CD72: variants seen among roughly 807,000 people sequenced by gnomAD.
CD72 encodes CD72 molecule.
A neutral mutation model predicts 50.7 loss-of-function variants in CD72; 28 were observed. The ratio of observed to expected loss-of-function variants is 0.55; its 90% CI spans 0.41 to 0.76. CD72 has a LOEUF of 0.76. Ranked by LOEUF, CD72 falls within the 30% of genes least tolerant of loss-of-function variation. The probability of loss-of-function intolerance (pLI) is 0.00; values close to 1 mark genes in which losing one functional copy is unlikely to be tolerated. For synonymous variants in CD72, 176 were observed against 171.2 expected (o/e 1.03, Z -0.22); for missense variants, 403 against 420.6 (o/e 0.96, Z 0.37).
chr9:35,638,208 ATCC>A (rs1823309428), intron 1 of CD72, among the ~76,000 whole-genome samples: 1 of 151,410 alleles, frequency 6.6e-6, no homozygotes, highest in Non-Finnish European at 1.5e-5. Flanking sequence ...CTTGTCCCAA[ATCC>A]TCCTTCTTTC....
In CD72 at chr9:35,611,932, T is replaced by G; in HGVS notation, c.835-13A>C. On this transcript the variant is annotated splice_polypyrimidine_tract_variant and intron_variant, in intron 6 of 8. Transcript: ENST00000259633. ...AGTAGTAAGAGTGCTGAGGGGAGAT[T>G]CAGAGAGACCAGAGATACATGGAGA... 7.7e-7 allele frequency: 1 copy of G among 1,297,140 alleles called. No homozygotes were observed. Among genetic ancestry groups the G allele is most frequent in the Non-Finnish European group, 1.1e-6 (1 of 890,850 alleles). The allele number at this position is 1,297,140 out of a possible 1,614,324, so 80.4% of individuals were successfully genotyped here. A position where few individuals can be genotyped will look rare whatever the true frequency, so the allele number is the denominator to read the frequency against.
intron 7 of CD72, 135 bp from the exon 8 acceptor site, chr9:35,610,888 C>A: frequency 1.6e-6 from 1 of 612,792 alleles, no homozygotes; most frequent in South Asian, 2.1e-5. Flanking sequence ...TGGTTCAGGA[C>A]AGATGTCTGG....
At chr9:35,618,598 T>G, upstream of CD72, 1 of 635,288 alleles carries the variant, frequency 1.6e-6, no homozygotes, top group Non-Finnish European at 2.6e-6. Context: ...CTCCCTGTGC[T>G]TCCTCTCCAT....
chr9:35,633,456 A>G (rs1001169342), intron 1 of CD72, among the ~76,000 whole-genome samples: 3 of 152,048 alleles, frequency 2.0e-5, no homozygotes, highest in African/African-American at 7.2e-5. Context: ...TTCTCATGTT[A>G]CGCTGTTTTC....
chr9:35,634,141 CTTCTT>C, intron 1 of CD72, among the ~76,000 whole-genome samples: 1 of 151,838 alleles, frequency 6.6e-6, no homozygotes, highest in Non-Finnish European at 1.5e-5. Flanking sequence ...GTTGTTAACT[CTTCTT>C]TTTTTTAATC....
chr9:35,616,052 C>T lies in CD72; in HGVS notation c.579G>A (p.Gln193=), dbSNP rs1369830579. ...GQLQACQADR[Q]KTKETLQSEE... ...CACTTTGCAAGGTCTCCTTCGTCTT[C>T]TGTCTGTCTGCCTGGCAGGCCTGTA... Residue 193 remains glutamine, a synonymous_variant, in exon 5 of 9, where the codon CAG becomes CAA. Coordinates refer to ENST00000259633, the MANE Select transcript of CD72 (RefSeq NM_001782.3). 6.2e-7 allele frequency: 1 copy of T among 1,614,200 alleles called. No homozygotes were observed. The highest frequency in any genetic ancestry group is 8.5e-7 in the Non-Finnish European group (1 of 1,180,034).
At chr9:35,643,754 G>A (rs774071625) in intron 1 of CD72, among the ~76,000 whole-genome samples, 4 of 152,172 alleles carry the variant, frequency 2.6e-5, no homozygotes, top group Admixed American at 6.5e-5. Flanking sequence ...GAGGCAGGCA[G>A]ATCACCTGAG....
At chr9:35,615,547 G>C (rs1178848638) in intron 5 of CD72, among the ~76,000 whole-genome samples, 2 of 152,050 alleles carry the variant, frequency 1.3e-5, no homozygotes, top group African/African-American at 4.8e-5. Flanking sequence ...CCTTTGGGGA[G>C]ATCTCAGCTA....
upstream of CD72, among the ~76,000 whole-genome samples, chr9:35,623,688 A>G (rs1823165473): frequency 6.6e-6 from 1 of 151,982 alleles, no homozygotes. Flanking sequence ...AGGCCGAGGC[A>G]GGCGGATCAC....
chr9:35,634,081 T>C (rs1053265140), intron 1 of CD72, among the ~76,000 whole-genome samples: 2 of 152,222 alleles, frequency 1.3e-5, no homozygotes, highest in African/African-American at 2.4e-5. Context: ...ATGAGTGATG[T>C]ATTTGATTTT....
upstream of CD72, chr9:35,618,863 G>T: frequency 1.1e-6 from 1 of 869,810 alleles, no homozygotes; most frequent in Middle Eastern, 2.6e-4. Flanking sequence ...TTCAGGAACA[G>T]GCCTGGGCCA....
In CD72 at chr9:35,618,183, T is replaced by TG. The variant is rs753948656; in HGVS notation, c.82+38dup. On this transcript the variant is annotated intron_variant, in intron 1 of 8. Coordinates refer to ENST00000259633, the MANE Select transcript of CD72 (RefSeq NM_001782.3). ...GGAATGGGATCTGTGGGGCGGGAAG[T>TG]GGGGATGCAGGATCAAGGGGAGGCC... The TG allele has an allele frequency of 5.6e-6, 9 of 1,606,374 alleles. No homozygotes were observed. The South Asian group carries it at 9.9e-5, about 18-fold the overall frequency.
At chr9:35,613,111 A>G (rs909109756) in intron 5 of CD72, 118 bp from the exon 6 acceptor site, 12 of 794,236 alleles carry the variant, frequency 1.5e-5, no homozygotes, top group Non-Finnish European at 2.0e-5. Flanking sequence ...GACTTCTATG[A>G]TCTTTGCAAT....
upstream of CD72, among the ~76,000 whole-genome samples, chr9:35,620,751 A>T (rs1823140140): frequency 6.6e-6 from 1 of 152,088 alleles, no homozygotes; most frequent in Admixed American, 6.6e-5. Flanking sequence ...TGAACCCGGG[A>T]GGCAGAGGTT....
intron 3 of CD72, 200 bp downstream of exon 3, chr9:35,616,976 G>A: frequency 6.9e-7 from 1 of 1,443,420 alleles, no homozygotes; most frequent in East Asian, 2.5e-5. Flanking sequence ...AGGTGAATTG[G>A]GACCATCCGC....
chr9:35,618,849 G>A (rs1205992447), upstream of CD72: 1 of 1,052,310 alleles, frequency 9.5e-7, no homozygotes, highest in African/African-American at 1.6e-5. Flanking sequence ...CCAGTAACTG[G>A]GGGTTCAGGA....
chr9:35,616,046 C>G lies in CD72; in HGVS notation c.585G>C (p.Thr195=), dbSNP rs560994961. ...GCTCCTCACTTTGCAAGGTCTCCTT[C>G]GTCTTCTGTCTGTCTGCCTGGCAGG... ...LQACQADRQK[T]KETLQSEEQQ... The change falls in exon 5 of 9, where the codon ACG becomes ACC. Residue 195 remains threonine, a synonymous_variant. Coordinates refer to ENST00000259633, the MANE Select transcript of CD72 (RefSeq NM_001782.3). The G allele has an allele frequency of 1.9e-6, 3 of 1,614,042 alleles. No individual in the cohort carries two copies. Among genetic ancestry groups the G allele is most frequent in the Admixed American group, 1.7e-5 (1 of 60,006 alleles).
chr9:35,637,882 T>C (rs183780622), intron 1 of CD72, among the ~76,000 whole-genome samples: 8 of 152,248 alleles, frequency 5.3e-5, no homozygotes, highest in Admixed American at 2.6e-4. Context: ...TACCTTTCTC[T>C]TTAAACTTAC....
chr9:35,629,876 A>AT (rs1823227687), intron 1 of CD72, among the ~76,000 whole-genome samples: 2 of 152,228 alleles, frequency 1.3e-5, no homozygotes, highest in Non-Finnish European at 2.9e-5. Flanking sequence ...TGATTATGTC[A>AT]GCCCACTTTC....
Sources: gnomAD v4.1 joint callset for allele counts (sites outside exome capture counted in the v4.1 genomes callset) on GRCh38, gnomAD v4.1.1 for gene constraint, MANE v1.5 for transcripts, NCBI Gene and HGNC (gene_info 2026-07-23, HGNC 2026-07-21) for gene names.